Variants in GPHN observed in about 807,000 individuals in gnomAD.
GPHN encodes the protein gephyrin.
A neutral mutation model predicts 95.5 loss-of-function variants in GPHN; 17 were observed. That is an observed-to-expected ratio of 0.18 (90% CI 0.12 to 0.27). GPHN has a LOEUF of 0.27. Ranked by LOEUF, GPHN falls within the 10% of genes least tolerant of loss-of-function variation. The pLI is 1.00. For synonymous variants in GPHN, 320 were observed against 322.5 expected, an observed-to-expected ratio of 0.99 and a Z score of 0.08; for missense variants, 660 against 978.1, an observed-to-expected ratio of 0.67 and a Z score of 4.34.
the GPHN span, chr14:67,203,277 A>G: frequency 6.3e-7 from 1 of 1,591,750 alleles, no homozygotes; most frequent in Non-Finnish European, 8.6e-7. Flanking sequence ...TCCTGCAGAG[A>G]AACTAGTGCT....
intron 12 of GPHN, among the ~76,000 whole-genome samples, chr14:67,098,214 C>T (rs2077497879): frequency 6.6e-6 from 1 of 151,990 alleles, no homozygotes; most frequent in Non-Finnish European, 1.5e-5. Flanking sequence ...TGGCACTGCA[C>T]TAAAATAGAA....
chr14:66,722,813 A>G (rs1046896919), intron 2 of GPHN, among the ~76,000 whole-genome samples: 5 of 152,210 alleles, frequency 3.3e-5, no homozygotes, highest in South Asian at 4.1e-4. Flanking sequence ...AGCCAACTCT[A>G]CCACACAAAA....
chr14:66,714,973 A>T (rs1297012323), intron 2 of GPHN, among the ~76,000 whole-genome samples: 1 of 152,146 alleles, frequency 6.6e-6, no homozygotes. Flanking sequence ...TTTTGGTATT[A>T]GGGTGATGTT....
At chr14:67,578,665 A>C in the GPHN span, 8 of 1,318,870 alleles carry the variant, frequency 6.1e-6, no homozygotes, top group African/African-American at 2.9e-5. The surrounding 1 kb of genome is among the most constrained non-coding windows in gnomAD (Gnocchi z 5.0). Flanking sequence ...CTGCCACTTG[A>C]GCACTGCCAA....
the GPHN span, among the ~76,000 whole-genome samples, chr14:67,416,611 T>C: frequency 1.3e-5 from 2 of 152,210 alleles, no homozygotes; most frequent in African/African-American, 2.4e-5. Flanking sequence ...AACAGAAATG[T>C]ATATTCATTC....
At chr14:66,788,412 A>C (rs2059858313) in intron 3 of GPHN, among the ~76,000 whole-genome samples, 1 of 152,206 alleles carries the variant, frequency 6.6e-6, no homozygotes, top group Non-Finnish European at 1.5e-5. Flanking sequence ...ATGACATATG[A>C]TGATTTTATG....
At chr14:66,835,720 C>CTTT (rs1157666714) in intron 4 of GPHN, among the ~76,000 whole-genome samples, 1 of 152,028 alleles carries the variant, frequency 6.6e-6, no homozygotes, top group Non-Finnish European at 1.5e-5. Flanking sequence ...CCAAAATCTC[C>CTTT]TTAAGCTGAT....
At chr14:67,284,548 A>T in the GPHN span, among the ~76,000 whole-genome samples, 15 of 46,334 alleles carry the variant, frequency 3.2e-4, no homozygotes, top group East Asian at 8.2e-4. Context: ...CTGCAGTGCT[A>T]AAAAAAAAAA....
chr14:66,845,791 G>T (rs189271227), intron 4 of GPHN, among the ~76,000 whole-genome samples: 1 of 150,506 alleles, frequency 6.6e-6, no homozygotes, highest in Non-Finnish European at 1.5e-5. Flanking sequence ...TTTGGAATTC[G>T]GTTTAGGTAA....
intron 4 of GPHN, among the ~76,000 whole-genome samples, chr14:66,878,148 G>A (rs971328402): frequency 2.6e-5 from 4 of 152,094 alleles, no homozygotes; most frequent in Non-Finnish European, 5.9e-5. Flanking sequence ...TTAATAAATG[G>A]TATTGGGAAA....
At chr14:67,369,759 T>C in the GPHN span, among the ~76,000 whole-genome samples, 4 of 152,222 alleles carry the variant, frequency 2.6e-5, no homozygotes, top group East Asian at 1.9e-4. Context: ...TAATTACTTA[T>C]ATTAGAAAAG....
intron 12 of GPHN, among the ~76,000 whole-genome samples, chr14:67,095,539 A>T (rs2077328351): frequency 6.6e-6 from 1 of 152,210 alleles, no homozygotes; most frequent in African/African-American, 2.4e-5. Context: ...CAAATGTCCA[A>T]CAATGATAGA....
At chr14:67,259,655 A>C in the GPHN span, among the ~76,000 whole-genome samples, 2 of 152,102 alleles carry the variant, frequency 1.3e-5, no homozygotes, top group African/African-American at 4.8e-5. Flanking sequence ...TTATGCCTGT[A>C]ATCCCAGCGC....
At chr14:67,695,301 C>A in the GPHN span, among the ~76,000 whole-genome samples, 14 of 152,188 alleles carry the variant, frequency 9.2e-5, no homozygotes, top group Non-Finnish European at 1.8e-4. Flanking sequence ...GGCCATATCC[C>A]ATTGAAGAGT....
intron 1 of GPHN, among the ~76,000 whole-genome samples, chr14:66,629,193 GTATATAAATATATATTTATATACA>G (rs1382014492): frequency 1.5e-5 from 2 of 135,640 alleles, no homozygotes; most frequent in African/African-American, 2.7e-5. Context: ...ATATAAATAT[GTATATAAATATATATTTATATACA>G]TATATAAATA....
At chr14:66,955,642 C>G (rs886794080) in intron 8 of GPHN, among the ~76,000 whole-genome samples, 3 of 152,074 alleles carry the variant, frequency 2.0e-5, no homozygotes. Flanking sequence ...TGTTGGTGTG[C>G]TGCACCCATT....
chr14:67,690,352 A>G, the GPHN span: 19 of 1,614,214 alleles, frequency 1.2e-5, no homozygotes, highest in Non-Finnish European at 1.6e-5. Flanking sequence ...GAGGGAAGAC[A>G]CATTTACTAT....
the GPHN span, among the ~76,000 whole-genome samples, chr14:67,411,500 C>T: frequency 4.6e-5 from 7 of 152,130 alleles, no homozygotes; most frequent in Non-Finnish European, 8.8e-5. Flanking sequence ...GCTCCACCAC[C>T]CACTGCCTTC....
At chr14:67,268,648 A>G in the GPHN span, among the ~76,000 whole-genome samples, 1 of 152,178 alleles carries the variant, frequency 6.6e-6, no homozygotes, top group African/African-American at 2.4e-5. Flanking sequence ...CACTGGCAGG[A>G]GCGTCTTTTA....
Sources: allele counts gnomAD v4.1 joint callset (sites outside exome capture counted in the v4.1 genomes callset), GRCh38; gene constraint gnomAD v4.1.1; non-coding constraint Gnocchi (gnomAD v3.1); transcripts MANE v1.5; gene names NCBI Gene and HGNC (gene_info 2026-07-23, HGNC 2026-07-21).